HDX: variants seen among roughly 807,000 people sequenced by gnomAD.
HDX encodes the protein highly divergent homeobox, also known as chromosome X open reading frame 43.
Under a neutral mutation model 45.2 loss-of-function variants are expected in HDX, and 19 were observed. The ratio of observed to expected loss-of-function variants is 0.42; its 90% CI spans 0.29 to 0.62. The LOEUF (loss-of-function observed/expected upper bound fraction) is 0.62, where lower values mean the gene tolerates loss of function less well. Among genes scored for constraint, HDX ranks in the 20% least tolerant of loss-of-function variants. The probability of loss-of-function intolerance (pLI) is 0.20; values close to 1 mark genes in which losing one functional copy is unlikely to be tolerated. For missense variants in HDX, 532 were observed against 493.9 expected (o/e 1.08, Z -0.73); for synonymous variants, 188 against 172.8 (o/e 1.09, Z -0.69).
At chrX:84,440,293 C>G in intron 5 of HDX, 1 of 283,046 alleles carries the variant, frequency 3.5e-6, no homozygotes, top group East Asian at 5.9e-5. Context: ...TTTGGAGTCA[C>G]TTTTAAAACT....
chrX:84,445,718 C>T, intron 4 of HDX, among the ~76,000 whole-genome samples: 1 of 111,201 alleles, frequency 9.0e-6, no homozygotes. Flanking sequence ...TTTCTCTCTA[C>T]AAAGTCTTCA....
chrX:84,345,925 A>G (rs1444911401), intron 6 of HDX, among the ~76,000 whole-genome samples: 1 of 111,102 alleles, frequency 9.0e-6, no homozygotes, highest in Non-Finnish European at 1.9e-5. Flanking sequence ...ATCCTTTTCA[A>G]TGAAATGTCT....
At chrX:84,355,625 C>T (rs1035760876) in intron 6 of HDX, among the ~76,000 whole-genome samples, 20 of 109,417 alleles carry the variant, frequency 1.8e-4, no homozygotes, top group African/African-American at 5.7e-4. Flanking sequence ...AACCAAACAC[C>T]GCATGTTCTC....
intron 5 of HDX, among the ~76,000 whole-genome samples, chrX:84,431,756 T>A (rs749619081): frequency 2.6e-4 from 29 of 111,428 alleles, no homozygotes; most frequent in Non-Finnish European, 4.7e-4. Flanking sequence ...GGATACATAG[T>A]TTACAAATAT....
At chrX:84,336,656 A>G in intron 8 of HDX, 145 bp downstream of exon 8, 1 of 440,380 alleles carries the variant, frequency 2.3e-6, no homozygotes, top group Non-Finnish European at 3.8e-6. Context: ...GCCATCAAAG[A>G]TATGTAATTT....
chrX:84,392,631 C>T (rs1352651918), intron 5 of HDX, among the ~76,000 whole-genome samples: 1 of 110,164 alleles, frequency 9.1e-6, no homozygotes, highest in Non-Finnish European at 1.9e-5. Flanking sequence ...GCTTTTTCAC[C>T]TCCTTGCTTA....
intron 5 of HDX, among the ~76,000 whole-genome samples, chrX:84,369,389 T>C (rs759630732): frequency 8.9e-5 from 10 of 112,226 alleles, no homozygotes; most frequent in Non-Finnish European, 1.9e-4. Flanking sequence ...GGCATACAAA[T>C]ATCTTTTCAA....
intron 5 of HDX, among the ~76,000 whole-genome samples, chrX:84,395,714 T>C (rs1340277920): frequency 8.9e-6 from 1 of 111,840 alleles, no homozygotes; most frequent in Non-Finnish European, 1.9e-5. Flanking sequence ...CAAATTTGAA[T>C]ATTTGGTCCC....
At chrX:84,437,481 G>T (rs764992542) in intron 5 of HDX, among the ~76,000 whole-genome samples, 1 of 111,196 alleles carries the variant, frequency 9.0e-6, no homozygotes, top group East Asian at 2.9e-4. Flanking sequence ...TAACATGCAA[G>T]TCCTGGCCTA....
chrX:84,490,207 A>G (rs2040867584), intron 1 of HDX, among the ~76,000 whole-genome samples: 1 of 110,026 alleles, frequency 9.1e-6, no homozygotes, highest in Non-Finnish European at 1.9e-5. Flanking sequence ...ATTTGGTTTC[A>G]TTGCATTTGT....
intron 5 of HDX, among the ~76,000 whole-genome samples, chrX:84,408,732 G>T (rs1236597220): frequency 9.2e-6 from 1 of 109,081 alleles, no homozygotes; most frequent in East Asian, 2.9e-4. Flanking sequence ...GTCATCTCTG[G>T]TATCTTTTAG....
intron 10 of HDX, among the ~76,000 whole-genome samples, chrX:84,324,194 C>A (rs2147748346): frequency 9.0e-6 from 1 of 111,562 alleles, no homozygotes; most frequent in Admixed American, 9.5e-5. Flanking sequence ...TGGACTACTT[C>A]AATGGTCCAA....
intron 4 of HDX, among the ~76,000 whole-genome samples, chrX:84,446,520 T>A (rs1462093326): frequency 9.0e-6 from 1 of 111,609 alleles, no homozygotes; most frequent in Non-Finnish European, 1.9e-5. Flanking sequence ...AACCAAAAGA[T>A]AGGTTTTTAA....
intron 2 of HDX, among the ~76,000 whole-genome samples, chrX:84,483,123 G>C (rs1249455468): frequency 9.0e-6 from 1 of 111,138 alleles, no homozygotes; most frequent in Non-Finnish European, 1.9e-5. Flanking sequence ...CCCCTCAGCT[G>C]ATTTCACAGA....
intron 4 of HDX, among the ~76,000 whole-genome samples, chrX:84,449,096 G>C (rs1461339552): frequency 3.7e-5 from 4 of 108,561 alleles, no homozygotes; most frequent in African/African-American, 1.3e-4. Flanking sequence ...TAGGTCTTTT[G>C]AAATAACCCA....
intron 4 of HDX, among the ~76,000 whole-genome samples, chrX:84,441,337 T>G (rs891684608): frequency 2.7e-5 from 3 of 111,561 alleles, no homozygotes; most frequent in Non-Finnish European, 5.7e-5. Flanking sequence ...TCTATTTACT[T>G]TGTAAACTCA....
chrX:84,357,670 A>G (rs940455666), intron 6 of HDX, among the ~76,000 whole-genome samples: 12 of 111,824 alleles, frequency 1.1e-4, no homozygotes, highest in African/African-American at 3.6e-4. Context: ...CCAACATTGA[A>G]CAAATCAGGA....
At chrX:84,479,281 T>A (rs774022053) in intron 2 of HDX, among the ~76,000 whole-genome samples, 1 of 111,848 alleles carries the variant, frequency 8.9e-6, no homozygotes, top group Non-Finnish European at 1.9e-5. Context: ...TAATTTTGAC[T>A]TCCGTAGACT....
In HDX at chrX:84,437,533, A is replaced by T. The variant is rs1316351745; in HGVS notation, c.1305+2999T>A. 2.7e-5 allele frequency among the ~76,000 whole-genome samples: 3 copies of T among 110,933 alleles called. No individual in the cohort carries two copies. The East Asian group carries it at 8.6e-4, about 32-fold the overall frequency. On this transcript the variant is annotated intron_variant, in intron 5 of 10. Coordinates refer to ENST00000373177, the MANE Select transcript of HDX (RefSeq NM_001177479.2). The stretch of plus-strand genomic sequence containing the variant: ...TTCCAATAATAGTTCAACTTTCATA[A>T]CTTCTGTGGTGTTATTTTCATCTGC...
Sources: allele counts gnomAD v4.1 joint callset (sites outside exome capture counted in the v4.1 genomes callset), GRCh38; gene constraint gnomAD v4.1.1; transcripts MANE v1.5; gene names NCBI Gene and HGNC (gene_info 2026-07-23, HGNC 2026-07-21).